Variants in PCNX3 observed in about 807,000 individuals in gnomAD.
PCNX3 encodes the protein pecanex-like protein 3.
PCNX3 carries 58 observed loss-of-function variants against 207.2 expected under a neutral mutation model. The ratio of observed to expected loss-of-function variants is 0.28; its 90% confidence interval spans 0.23 to 0.35. The LOEUF is 0.35. PCNX3 is among the 10% of genes least tolerant of loss of function. The pLI, the probability that PCNX3 is intolerant of heterozygous loss-of-function variation, is 1.00. For synonymous variants in PCNX3, 1,337 were observed against 1,183.5 expected (o/e 1.13, Z -2.66); for missense variants, 2,410 against 2,774.4 (o/e 0.87, Z 2.95).
At chr11:65,626,620 G>T in intron 20 of PCNX3, 1 of 494,572 alleles carries the variant, frequency 2.0e-6, no homozygotes, top group Non-Finnish European at 3.7e-6. Flanking sequence ...TCAGGCCCTA[G>T]CCAGCCTGCT....
At chr11:65,622,419 G>C (rs11227241) in intron 11 of PCNX3, 53 bp downstream of exon 11, 649,982 of 1,539,872 alleles carry the variant, frequency 0.42, 142,297 homozygotes, top group South Asian at 0.6. Flanking sequence ...CTGGACCTTG[G>C]CTCCCCAGAC....
rs1168774824 is a variant in PCNX3, at chr11:65,626,026, G to A, written c.3351G>A (p.Pro1117=). 12 of 1,611,224 alleles carry A rather than the reference G, an allele frequency of 7.4e-6. No homozygotes were observed. Among genetic ancestry groups the A allele is most frequent in the Middle Eastern group, 1.6e-4 (1 of 6,080 alleles). Residue 1117 remains proline (P), a synonymous_variant, in exon 20 of 35, where the codon CCG becomes CCA. Coordinates refer to ENST00000355703, the MANE Select transcript of PCNX3 (RefSeq NM_032223.4). The part of the protein sequence containing the change: ...WFCLSQPVLK[P]LEYSQYEVRG... ...GCCTGTCACAGCCCGTGCTGAAGCC[G>A]CTGGAGTACAGCCAGTATGAAGTGC...
In PCNX3 at chr11:65,634,654, G is replaced by A. The variant is rs1450374485; in HGVS notation, c.4805+13G>A. 6.4e-7 allele frequency: 1 copy of A among 1,559,688 alleles called. No individual in the cohort carries two copies. Among genetic ancestry groups the A allele is most frequent in the Non-Finnish European group, 8.6e-7 (1 of 1,159,050 alleles). Reference sequence around the variant, plus strand: ...GCATGTCTGCAAGGTGAGTGCTCGGGTGTCCCGCGGGGCCTACTGCCGTCC... The same window carrying A: ...GCATGTCTGCAAGGTGAGTGCTCGGATGTCCCGCGGGGCCTACTGCCGTCC... On this transcript the variant is annotated intron_variant, in intron 29 of 34. Coordinates refer to ENST00000355703, the MANE Select transcript of PCNX3 (RefSeq NM_032223.4).
Position 65,633,984 on chromosome 11 carries a change from G to A in PCNX3, c.4471-142G>A, listed in dbSNP as rs571180750. ...AGCCAACTTGCTTGGTTGCTCTTGA[G>A]AGCTGAGATGGCTCTAGGAGCGGGG... On this transcript the variant is annotated intron_variant, in intron 27 of 34. Coordinates refer to ENST00000355703, the MANE Select transcript of PCNX3 (RefSeq NM_032223.4). The A allele has an allele frequency of 1.5e-5, 12 of 782,910 alleles. No individual in the cohort carries two copies. The East Asian group carries it at 3.2e-4, about 21-fold the overall frequency. The allele number at this position is 782,910 out of a possible 1,614,324, so 48.5% of individuals were successfully genotyped here.
chr11:65,618,595 C>T lies in PCNX3; in HGVS notation c.1233C>T (p.Pro411=). 3.7e-6 allele frequency: 6 copies of T among 1,612,316 alleles called. No homozygotes were observed. The highest frequency in any genetic ancestry group is 5.1e-6 in the Non-Finnish European group (6 of 1,179,796). ...HSPPGRAPRR[P]LLEGGGFFED... is the part of the protein sequence containing the mutation. ...CACCTGGCCGTGCCCCTCGACGGCC[C>T]CTGCTTGAAGGTGGGGGCTTCTTTG... The change falls in exon 6 of 35, where the codon CCC becomes CCT. Residue 411 remains proline, a synonymous_variant. Transcript: ENST00000355703.
At chr11:65,634,691 C>G (rs752622339) in intron 29 of PCNX3, 50 bp downstream of exon 29, 2 of 1,481,618 alleles carry the variant, frequency 1.3e-6, no homozygotes, top group Non-Finnish European at 1.8e-6. Context: ...CACCCCACCT[C>G]TTCCACGAAG....
At chr11:65,628,087 C>G (rs1855476693) in intron 22 of PCNX3, among the ~76,000 whole-genome samples, 1 of 152,224 alleles carries the variant, frequency 6.6e-6, no homozygotes, top group Admixed American at 6.5e-5. Context: ...GCAGTGGTAC[C>G]TGGAACCCCA....
chr11:65,616,344 G>T lies in PCNX3; in HGVS notation c.33G>T (p.Gln11His). Reference protein sequence around the residue: MGSQVLQILRQGVWASLTGGW... With the variant: MGSQVLQILRHGVWASLTGGW... The stretch of plus-strand genomic sequence containing the variant: ...CGCAGGTGTTGCAGATCCTGCGCCA[G>T]GGGGTGTGGGCCTCGCTCACCGGCG... Residue 11 changes from glutamine (Q) to histidine (H), a missense_variant, in exon 1 of 35, where the codon CAG becomes CAT. Around this residue, in one of 8 missense-constraint regions of PCNX3, gnomAD observed 1,104 missense variants for 970.3 expected, o/e 1.14. Coordinates refer to ENST00000355703, the MANE Select transcript of PCNX3 (RefSeq NM_032223.4). 1 of 1,605,518 alleles carries T rather than the reference G, an allele frequency of 6.2e-7. No homozygotes were observed.
intron 8 of PCNX3, 146 bp downstream of exon 8, chr11:65,620,078 C>A: frequency 2.1e-6 from 2 of 967,652 alleles, no homozygotes; most frequent in Non-Finnish European, 3.0e-6. Flanking sequence ...CTTTGAGGCA[C>A]GGTGTCTCTG....
At position 65,625,361 on chromosome 11, in the gene PCNX3, G is replaced by A. The variant is rs1307462409; in HGVS notation, c.3030-44G>A. 1.3e-6 allele frequency: 2 copies of A among 1,595,004 alleles called. No homozygotes were observed. Among genetic ancestry groups the A allele is most frequent in the Non-Finnish European group, 8.5e-7 (1 of 1,172,850 alleles). ...TGCATGTGCCCGTGACTGGGGCCGG[G>A]GGGAAGGAGGGGCGGCCTCCTCCTG... On this transcript the variant is annotated intron_variant, in intron 17 of 34. Transcript: ENST00000355703. This position sits in a 1 kb window ranked among gnomAD's most constrained non-coding sequence, Gnocchi z 5.6.
Position 65,620,405 on chromosome 11 carries a change from G to A in PCNX3, c.2075G>A (p.Gly692Glu). 6.2e-7 allele frequency: 1 copy of A among 1,613,304 alleles called. No homozygotes were observed. Among genetic ancestry groups the A allele is most frequent in the South Asian group, 1.1e-5 (1 of 91,076 alleles). ...GGYENPVGQQ[G>E]EQTANGAWDR... Reference sequence around the variant, plus strand: ...TACGAGAACCCTGTAGGGCAGCAAGGGGAGCAGACAGCTAATGGAGCCTGG... The same window carrying A: ...TACGAGAACCCTGTAGGGCAGCAAGAGGAGCAGACAGCTAATGGAGCCTGG... The change falls in exon 9 of 35, where the codon GGG becomes GAG. Residue 692 changes from glycine (G) to glutamate (E), a missense_variant. Coordinates refer to ENST00000355703, the MANE Select transcript of PCNX3 (RefSeq NM_032223.4).
intron 28 of PCNX3, 51 bp from the exon 29 acceptor site, chr11:65,634,487 C>G (rs1444195722): frequency 6.5e-7 from 1 of 1,538,656 alleles, no homozygotes. Context: ...ACTCCAAGGT[C>G]CCTGTCCCAG....
chr11:65,618,331 G>A lies in PCNX3; in HGVS notation c.969G>A (p.Leu323=), dbSNP rs758019593. 6.2e-7 allele frequency: 1 copy of A among 1,611,616 alleles called. No individual in the cohort carries two copies. Among genetic ancestry groups the A allele is most frequent in the South Asian group, 1.1e-5 (1 of 91,052 alleles). The change falls in exon 6 of 35, where the codon CTG becomes CTA. Residue 323 remains leucine (L), a synonymous_variant. Coordinates refer to ENST00000355703, the MANE Select transcript of PCNX3 (RefSeq NM_032223.4). ...FKSEKTNSTH[L]DSPPGGPAPE... is the part of the protein sequence containing the mutation. ...GTGAGAAGACCAACTCCACCCATCT[G>A]GACAGCCCCCCAGGGGGGCCAGCCC...
chr11:65,618,948 T>C lies in PCNX3; in HGVS notation c.1586T>C (p.Val529Ala), dbSNP rs1854915829. 1.9e-6 allele frequency: 3 copies of C among 1,604,544 alleles called. No individual in the cohort carries two copies. Among genetic ancestry groups the C allele is most frequent in the African/African-American group, 1.3e-5 (1 of 74,576 alleles). ...TGCAAGGCAGAGCTGGAGGCCCAGGTTGGGGTGGAGCAGGCTGCTAGTGAG... is the reference window on the plus strand; with the variant it reads ...TGCAAGGCAGAGCTGGAGGCCCAGGCTGGGGTGGAGCAGGCTGCTAGTGAG... Reference protein sequence around the residue: ...AGCKAELEAQVGVEQAASEPV... With the variant: ...AGCKAELEAQAGVEQAASEPV... The change falls in exon 6 of 35, where the codon GTT becomes GCT. Residue 529 changes from valine (V) to alanine (A), a missense_variant. Physicochemically the swap from Val to Ala is moderately conservative, Grantham distance 64. Transcript: ENST00000355703.
In PCNX3 at chr11:65,627,523, C is replaced by T. The variant is rs771366890; in HGVS notation, c.3643C>T (p.Pro1215Ser). Residue 1215 changes from proline to serine, a missense_variant, in exon 22 of 35, where the codon CCG becomes TCG. By Grantham distance (74) the Pro-to-Ser change is moderately conservative. Coordinates refer to ENST00000355703, the MANE Select transcript of PCNX3 (RefSeq NM_032223.4). ...FTVLLFHFDYPRLSQGFLLDY... is the reference protein window; with the variant it reads ...FTVLLFHFDYSRLSQGFLLDY... Reference sequence around the variant, plus strand: ...CGTCCTGCTCTTCCACTTTGACTACCCGCGCCTCTCCCAGGGCTTTCTGCT... The same window carrying T: ...CGTCCTGCTCTTCCACTTTGACTACTCGCGCCTCTCCCAGGGCTTTCTGCT... 3 of 1,613,754 alleles carry T rather than the reference C, an allele frequency of 1.9e-6. No homozygotes were observed. Among genetic ancestry groups the T allele is most frequent in the African/African-American group, 1.3e-5 (1 of 74,890 alleles).
intron 20 of PCNX3, chr11:65,626,667 T>C (rs1855406165): frequency 6.9e-6 from 4 of 580,698 alleles, no homozygotes; most frequent in Non-Finnish European, 9.1e-6. Context: ...TTGGCCTTGT[T>C]TTAACAGACA....
intron 20 of PCNX3, chr11:65,626,439 G>T: frequency 4.9e-6 from 2 of 407,270 alleles, no homozygotes; most frequent in Non-Finnish European, 9.3e-6. Flanking sequence ...AAAAATCCTG[G>T]AGCCTCTATT....
chr11:65,621,909 A>G (rs1376474804), intron 10 of PCNX3, among the ~76,000 whole-genome samples: 3 of 152,152 alleles, frequency 2.0e-5, no homozygotes, highest in Admixed American at 6.5e-5. Flanking sequence ...CCAGGTCCCA[A>G]AGGACAAGTG....
rs1389246816 is a variant in PCNX3, at chr11:65,619,608, A to G, written c.1777A>G (p.Asn593Asp). Residue 593 changes from asparagine (N) to aspartate (D), a missense_variant, in exon 7 of 35, where the codon AAT (asparagine) becomes GAT (aspartate). Asn to Asp is a conservative substitution (Grantham distance 23). Around this residue, in one of 8 missense-constraint regions of PCNX3, gnomAD observed 1,104 missense variants for 970.3 expected, o/e 1.14. Transcript: ENST00000355703. Reference protein sequence around the residue: ...RRTQAIRRRHNAGSNPTPPAS... With the variant: ...RRTQAIRRRHDAGSNPTPPAS... ...GACCCAGGCCATTCGGAGACGCCAC[A>G]ATGCAGGCAGCAACCCCACCCCTCC... 1 of 1,606,232 alleles carries G rather than the reference A, an allele frequency of 6.2e-7. No individual in the cohort carries two copies. The highest frequency in any genetic ancestry group is 1.1e-5 in the South Asian group (1 of 90,560).
Sources: allele counts gnomAD v4.1 joint callset (sites outside exome capture counted in the v4.1 genomes callset), GRCh38; gene constraint gnomAD v4.1.1; regional missense constraint gnomAD v4.1.1; non-coding constraint Gnocchi (gnomAD v3.1); transcripts MANE v1.5; gene names NCBI Gene and HGNC (gene_info 2026-07-23, HGNC 2026-07-21).